PCDH9: variants seen among roughly 807,000 people sequenced by gnomAD.
PCDH9 encodes the protein protocadherin 9.
In PCDH9, 24 loss-of-function variants were observed where a neutral mutation model predicts 70.6. The observed-to-expected ratio is 0.34, with a 90% CI of 0.25 to 0.48. The LOEUF (loss-of-function observed/expected upper bound fraction) is 0.48, where lower values mean the gene tolerates loss of function less well. Ranked by LOEUF, PCDH9 falls within the 20% of genes least tolerant of loss-of-function variation. The pLI is 0.99. For missense variants in PCDH9, 1,281 were observed against 1,503.6 expected, an observed-to-expected ratio of 0.85 and a Z score of 2.45; for synonymous variants, 562 against 558.5, an observed-to-expected ratio of 1.01 and a Z score of -0.09.
intron 2 of PCDH9, among the ~76,000 whole-genome samples, chr13:67,166,274 G>A (rs2088114387): frequency 6.6e-6 from 1 of 152,084 alleles, no homozygotes; most frequent in South Asian, 2.1e-4. Flanking sequence ...ATATGGATAA[G>A]TGACATGAAG....
intron 3 of PCDH9, among the ~76,000 whole-genome samples, chr13:66,664,442 CTT>C (rs5804287): frequency 2.0e-5 from 3 of 146,482 alleles, no homozygotes. Flanking sequence ...CAGCAATGGG[CTT>C]TTTTTTTTTT....
chr13:66,386,022 T>G (rs548150461), intron 4 of PCDH9, among the ~76,000 whole-genome samples: 1 of 151,792 alleles, frequency 6.6e-6, no homozygotes, highest in Admixed American at 6.6e-5. Context: ...GAAGAAAAAG[T>G]ATCTTTTAGC....
chr13:66,379,695 T>C (rs2138238022), intron 4 of PCDH9, among the ~76,000 whole-genome samples: 1 of 152,264 alleles, frequency 6.6e-6, no homozygotes, highest in South Asian at 2.1e-4. Flanking sequence ...ACCCTGGCAA[T>C]CAAGTCAGAA....
At chr13:66,563,751 T>G (rs1297512925) in intron 4 of PCDH9, among the ~76,000 whole-genome samples, 2 of 152,248 alleles carry the variant, frequency 1.3e-5, no homozygotes, top group East Asian at 3.9e-4. Flanking sequence ...ATTCCTGACA[T>G]TTTTCTGTTT....
intron 3 of PCDH9, among the ~76,000 whole-genome samples, chr13:66,674,237 CATA>C (rs938920620): frequency 2.5e-4 from 38 of 151,968 alleles, no homozygotes; most frequent in African/African-American, 2.9e-4. Context: ...TCCTTGTATT[CATA>C]ATAAGTGAAT....
chr13:66,350,222 C>A (rs1423296453), intron 4 of PCDH9, among the ~76,000 whole-genome samples: 1 of 152,176 alleles, frequency 6.6e-6, no homozygotes, highest in Non-Finnish European at 1.5e-5. Context: ...TCATTACCTT[C>A]TGCCCCAAAC....
intron 4 of PCDH9, among the ~76,000 whole-genome samples, chr13:66,341,313 C>A (rs1265554303): frequency 2.0e-5 from 3 of 151,990 alleles, no homozygotes; most frequent in African/African-American, 7.2e-5. Flanking sequence ...AGGCTGCTCT[C>A]AAACTCCTGA....
chr13:66,661,292 T>G lies in PCDH9; in HGVS notation c.3139-29881A>C, dbSNP rs2078005128. On this transcript the variant is annotated intron_variant, in intron 3 of 4. Transcript: ENST00000377865. The stretch of plus-strand genomic sequence containing the variant: ...CAGAAACCTAACACTTCGATATGAG[T>G]TCTAGTGCTAGGAGGATGAGTGTCC... Among the ~76,000 whole-genome samples the G allele has an allele frequency of 3.3e-5, 5 of 152,310 alleles. No individual in the cohort carries two copies. In the South Asian group the frequency reaches 1.0e-3, roughly 32 times the overall value.
At chr13:66,504,372 A>G (rs1959192994) in intron 4 of PCDH9, among the ~76,000 whole-genome samples, 1 of 152,054 alleles carries the variant, frequency 6.6e-6, no homozygotes, top group South Asian at 2.1e-4. Flanking sequence ...TCTCCCTTCA[A>G]AGGATGAACT....
chr13:66,574,459 A>C (rs2076783668), intron 4 of PCDH9, among the ~76,000 whole-genome samples: 1 of 152,124 alleles, frequency 6.6e-6, no homozygotes, highest in Non-Finnish European at 1.5e-5. Context: ...CAAGCTACCC[A>C]CACATCCTCC....
intron 3 of PCDH9, among the ~76,000 whole-genome samples, chr13:66,824,624 C>T (rs1391212789): frequency 2.4e-5 from 3 of 126,124 alleles, no homozygotes; most frequent in Admixed American, 8.4e-5. Context: ...CATTGCACTC[C>T]AACCTGGGCA....
intron 2 of PCDH9, among the ~76,000 whole-genome samples, chr13:67,172,136 A>G (rs923735910): frequency 3.9e-5 from 6 of 152,136 alleles, no homozygotes; most frequent in Admixed American, 2.0e-4. Context: ...TTCTCTTCCA[A>G]TTGTGGTCAT....
At chr13:66,435,756 A>G (rs1957857939) in intron 4 of PCDH9, among the ~76,000 whole-genome samples, 1 of 152,224 alleles carries the variant, frequency 6.6e-6, no homozygotes, top group Non-Finnish European at 1.5e-5. Flanking sequence ...TTAATCATAT[A>G]TAAATATTCA....
rs1238489844 is a variant in PCDH9 at position 67,226,766 on chromosome 13, T to C, written c.1675A>G (p.Ile559Val). 2 of 1,614,092 alleles carry C rather than the reference T, an allele frequency of 1.2e-6. No individual in the cohort carries two copies. Among genetic ancestry groups the C allele is most frequent in the South Asian group, 1.1e-5 (1 of 91,084 alleles). Reference protein sequence around the residue: ...TPPLQSQAAVIVTVLDENDNS... With the variant: ...TPPLQSQAAVVVTVLDENDNS... Reference sequence around the variant, plus strand: ...TCATTCTCATCCAGAACAGTAACAATCACAGCCGCTTGGCTTTGGAGGGGA... The same window carrying C: ...TCATTCTCATCCAGAACAGTAACAACCACAGCCGCTTGGCTTTGGAGGGGA... The change falls in exon 2 of 5, where the codon ATT becomes GTT. Residue 559 changes from isoleucine to valine, a missense_variant. Around this residue, in one of 4 missense-constraint regions of PCDH9, gnomAD observed 798 missense variants for 1,003.1 expected, o/e 0.80. Transcript: ENST00000377865. This position sits in a 1 kb window ranked among gnomAD's most constrained non-coding sequence, Gnocchi z 5.0.
intron 2 of PCDH9, among the ~76,000 whole-genome samples, chr13:67,036,861 C>A (rs1019696062): frequency 6.6e-6 from 1 of 152,168 alleles, no homozygotes; most frequent in African/African-American, 2.4e-5. Context: ...TAAGCGGAAG[C>A]CTTCGTGGTC....
chr13:66,405,902 G>C (rs1323554377), intron 4 of PCDH9, among the ~76,000 whole-genome samples: 3 of 137,938 alleles, frequency 2.2e-5, no homozygotes, highest in Non-Finnish European at 4.7e-5. Flanking sequence ...TAGTTTCAAA[G>C]ATAAATTACA....
intron 2 of PCDH9, among the ~76,000 whole-genome samples, chr13:67,193,947 A>C (rs1454250416): frequency 1.3e-5 from 2 of 152,134 alleles, no homozygotes; most frequent in Non-Finnish European, 2.9e-5. Context: ...TTACACATAC[A>C]TACACAGAAA....
intron 2 of PCDH9, among the ~76,000 whole-genome samples, chr13:66,912,885 A>G (rs888990063): frequency 6.6e-6 from 1 of 152,168 alleles, no homozygotes. Flanking sequence ...AGGAGTTTTA[A>G]AAGCCTAAAT....
intron 2 of PCDH9, among the ~76,000 whole-genome samples, chr13:67,037,165 G>A (rs1300208695): frequency 6.6e-6 from 1 of 152,108 alleles, no homozygotes; most frequent in African/African-American, 2.4e-5. Flanking sequence ...TTTCATAGGG[G>A]CTGAGGGTGT....
Sources: allele counts gnomAD v4.1 joint callset (sites outside exome capture counted in the v4.1 genomes callset), GRCh38; gene constraint gnomAD v4.1.1; regional missense constraint gnomAD v4.1.1; non-coding constraint Gnocchi (gnomAD v3.1); transcripts MANE v1.5; gene names NCBI Gene and HGNC (gene_info 2026-07-23, HGNC 2026-07-21).